DPP9: variants seen among roughly 807,000 people sequenced by gnomAD.
DPP9 encodes the protein dipeptidyl peptidase 9, also known as dipeptidyl peptidase IV-related protein-2.
DPP9 carries 50 observed loss-of-function variants against 110.7 expected under a neutral mutation model. The ratio of observed to expected loss-of-function variants is 0.45; its 90% CI spans 0.36 to 0.57. The LOEUF (loss-of-function observed/expected upper bound fraction) is 0.57, where lower values mean the gene tolerates loss of function less well. Ranked by LOEUF, DPP9 falls within the 20% of genes least tolerant of loss-of-function variation. The probability of loss-of-function intolerance (pLI) is 0.00; values close to 1 mark genes in which losing one functional copy is unlikely to be tolerated. For missense variants in DPP9, 1,022 were observed against 1,217.9 expected (o/e 0.84, Z 2.39); for synonymous variants, 561 against 514.4 (o/e 1.09, Z -1.23).
chr19:4,702,607 C>G lies in DPP9; in HGVS notation c.879G>C (p.Trp293Cys). The change falls in exon 8 of 22, where the codon TGG (tryptophan) becomes TGC (cysteine). Residue 293 changes from tryptophan (W) to cysteine (C), a missense_variant. By Grantham distance (215) the Trp-to-Cys change is radical. Around this residue, in one of 3 missense-constraint regions of DPP9, gnomAD observed 810 missense variants for 920.6 expected, o/e 0.88. Coordinates refer to ENST00000262960, the MANE Select transcript of DPP9 (RefSeq NM_139159.5). ...TGAAAAATGGAAGGGACCTACCTTC[C>G]CAGGAGGCTGTGGGGCACCACCAGT... Reference protein sequence around the residue: ...TGYWWCPTASWEGSEGLKTLR... With the variant: ...TGYWWCPTASCEGSEGLKTLR... 1.3e-6 allele frequency: 2 copies of G among 1,595,384 alleles called. No individual in the cohort carries two copies. Among genetic ancestry groups the G allele is most frequent in the South Asian group, 1.1e-5 (1 of 87,812 alleles).
rs1348463200 is a variant in DPP9 at position 4,722,509 on chromosome 19, G to A, written c.-46C>T. The A allele has an allele frequency of 1.4e-6, 1 of 703,054 alleles. No homozygotes were observed. Among genetic ancestry groups the A allele is most frequent in the Non-Finnish European group, 2.6e-6 (1 of 385,006 alleles). 43.6% of individuals were successfully genotyped at this position (703,054 alleles called of 1,614,324 possible). ...CCCAGCACAACTGACCTTCTAAAGG[G>A]TCCAGAGAGCCTCCATTCCAGCTGC... On this transcript the variant is annotated 5_prime_UTR_variant, in exon 2 of 22. Transcript: ENST00000262960.
intron 13 of DPP9, among the ~76,000 whole-genome samples, chr19:4,692,196 A>G (rs2091390943): frequency 6.6e-6 from 1 of 152,026 alleles, no homozygotes; most frequent in African/African-American, 2.4e-5. Context: ...TTTGGGGGGT[A>G]GGAGGGTTGA....
chr19:4,682,886 G>T lies in DPP9; in HGVS notation c.2332-48C>A. ...GGGGGCAGAGAGAGAGAGAGAAACA[G>T]GCGTCGGGTCCTACAGCCAGCATCA... is the stretch of plus-strand genomic sequence containing the variant. On this transcript the variant is annotated intron_variant, in intron 19 of 21. Transcript: ENST00000262960. This position sits in a 1 kb window ranked among gnomAD's most constrained non-coding sequence, Gnocchi z 7.1. The T allele has an allele frequency of 6.4e-7, 1 of 1,550,402 alleles. No individual in the cohort carries two copies. Among genetic ancestry groups the T allele is most frequent in the East Asian group, 2.4e-5 (1 of 41,240 alleles).
chr19:4,676,596 T>C lies in DPP9; in HGVS notation c.2647A>G (p.Thr883Ala), dbSNP rs1192147069. Reference sequence around the variant, plus strand: ...TATTCCTGTAGAAAGTGCAGCAACGTGACTTCATAGTGCTCGCCCGACTCG... The same window carrying C: ...TATTCCTGTAGAAAGTGCAGCAACGCGACTTCATAGTGCTCGCCCGACTCG... Reference protein sequence around the residue: ...CPESGEHYEVTLLHFLQEYL With the variant: ...CPESGEHYEVALLHFLQEYL The change falls in exon 22 of 22, where the codon ACG (threonine) becomes GCG (alanine). Residue 883 changes from threonine to alanine, a missense_variant. Physicochemically the swap from Thr to Ala is moderately conservative, Grantham distance 58 (BLOSUM62 0). Transcript: ENST00000262960. The surrounding 1 kb of genome is among the most constrained non-coding windows in gnomAD (Gnocchi z 4.0). 1 of 1,608,236 alleles carries C rather than the reference T, an allele frequency of 6.2e-7. No homozygotes were observed. The highest frequency in any genetic ancestry group is 8.5e-7 in the Non-Finnish European group (1 of 1,177,494).
chr19:4,718,311 G>A lies in DPP9; in HGVS notation c.56+1540C>T, dbSNP rs115418035. Among the ~76,000 whole-genome samples the A allele has an allele frequency of 0.011, 1,666 of 152,290 alleles. 20 individuals carry two copies. The highest frequency in any genetic ancestry group is 0.038 in the African/African-American group (1,568 of 41,564). On this transcript the variant is annotated intron_variant, in intron 3 of 21. Transcript: ENST00000262960. This position sits in a 1 kb window ranked among gnomAD's most constrained non-coding sequence, Gnocchi z 4.3. ...TTGGAGATGGGGGAAGTATTTGGACGCCTAGAAGGAACTGTAGATTCAGTG... is the reference window on the plus strand; with the variant it reads ...TTGGAGATGGGGGAAGTATTTGGACACCTAGAAGGAACTGTAGATTCAGTG...
rs760332782 is a variant in DPP9, at chr19:4,694,778, C to G, written c.1399G>C (p.Glu467Gln). The G allele has an allele frequency of 7.3e-5, 118 of 1,613,758 alleles. No homozygotes were observed. The highest frequency in any genetic ancestry group is 9.5e-5 in the Non-Finnish European group (112 of 1,179,862). Residue 467 changes from glutamate (E) to glutamine (Q), a missense_variant, in exon 13 of 22, where the codon GAG becomes CAG. Coordinates refer to ENST00000262960, the MANE Select transcript of DPP9 (RefSeq NM_139159.5). This position sits in a 1 kb window ranked among gnomAD's most constrained non-coding sequence, Gnocchi z 4.0. ...TCATTGGCGCGGAGAAAGCAGAGCT[C>G]GTCCTCTCCCTCTGATTGGGGGAAG... is the stretch of plus-strand genomic sequence containing the variant. ...YPFPQSEGEDELCFLRANECK... is the reference protein window; with the variant it reads ...YPFPQSEGEDQLCFLRANECK...
chr19:4,710,288 G>A lies in DPP9; in HGVS notation c.313+3793C>T, dbSNP rs1050942991. Among the ~76,000 whole-genome samples, 1 of 152,238 alleles carries A rather than the reference G, an allele frequency of 6.6e-6. No individual in the cohort carries two copies. The highest frequency in any genetic ancestry group is 1.5e-5 in the Non-Finnish European group (1 of 68,042). On this transcript the variant is annotated intron_variant, in intron 4 of 21. Coordinates refer to ENST00000262960, the MANE Select transcript of DPP9 (RefSeq NM_139159.5). The surrounding 1 kb of genome is among the most constrained non-coding windows in gnomAD (Gnocchi z 5.6). ...TCTCCCCTGGATCTCAGCCTGGGAC[G>A]TCGGGAGACAGGAATTCTTGCTTTC...
chr19:4,706,613 C>T (rs1208662373), intron 4 of DPP9, among the ~76,000 whole-genome samples: 1 of 151,996 alleles, frequency 6.6e-6, no homozygotes, highest in Non-Finnish European at 1.5e-5. Flanking sequence ...GTCAGGAGTT[C>T]GAGACCAGAC....
Position 4,695,595 on chromosome 19 carries a change from G to C in DPP9, c.1176-40C>G. ...GCGGGGGAAGATGAGAGGGAAGCTGGGAGCCTCAGTGGCCTGCACAGAGAA... is the reference window on the plus strand; with the variant it reads ...GCGGGGGAAGATGAGAGGGAAGCTGCGAGCCTCAGTGGCCTGCACAGAGAA... On this transcript the variant is annotated intron_variant, in intron 11 of 21. Coordinates refer to ENST00000262960, the MANE Select transcript of DPP9 (RefSeq NM_139159.5). The surrounding 1 kb of genome is among the most constrained non-coding windows in gnomAD (Gnocchi z 4.7). 1 of 1,435,604 alleles carries C rather than the reference G, an allele frequency of 7.0e-7. No individual in the cohort carries two copies. The highest frequency in any genetic ancestry group is 9.2e-7 in the Non-Finnish European group (1 of 1,090,362). The allele number at this position is 1,435,604 out of a possible 1,614,324, so 88.9% of individuals were successfully genotyped here. A position where few individuals can be genotyped will look rare whatever the true frequency, so the allele number is the denominator to read the frequency against.
intron 1 of DPP9, among the ~76,000 whole-genome samples, chr19:4,723,441 G>A (rs987496813): frequency 1.3e-4 from 20 of 152,186 alleles, no homozygotes; most frequent in African/African-American, 4.6e-4. Context: ...GGAGAAACTG[G>A]GAGGTGGCCT....
In DPP9 at chr19:4,704,148, C is replaced by A. The variant is rs778385795; in HGVS notation, c.583G>T (p.Gly195Cys). The A allele has an allele frequency of 6.2e-5, 100 of 1,613,850 alleles. No homozygotes were observed. The highest frequency in any genetic ancestry group is 8.5e-5 in the Non-Finnish European group (100 of 1,179,914). The change falls in exon 6 of 22, where the codon GGC becomes TGC. Residue 195 changes from glycine (G) to cysteine (C), a missense_variant. Around this residue, in one of 3 missense-constraint regions of DPP9, gnomAD observed 810 missense variants for 920.6 expected, o/e 0.88. Transcript: ENST00000262960. The surrounding 1 kb of genome is among the most constrained non-coding windows in gnomAD (Gnocchi z 6.0). ...GGGCTCACCATGAAGCCGTTCTTGC[C>A]GCCGTCGCGGCAGTGGAAGAGGCTG... ...SNSLFHCRDG[G>C]KNGFMVSPMK...
At position 4,695,471 on chromosome 19, in the gene DPP9, C is replaced by A; in HGVS notation, c.1260G>T (p.Glu420Asp). ...CAGAGGCTAGCCGCTGCTCCTCATT[C>A]TCTGTGCTCGGGATGAACAGGGCCG... Reference protein sequence around the residue: ...LPPALFIPSTENEEQRLASAR... With the variant: ...LPPALFIPSTDNEEQRLASAR... The change falls in exon 12 of 22, where the codon GAG (glutamate) becomes GAT (aspartate). Residue 420 changes from glutamate (E) to aspartate (D), a missense_variant. Glu to Asp is a conservative substitution (Grantham distance 45). Coordinates refer to ENST00000262960, the MANE Select transcript of DPP9 (RefSeq NM_139159.5). This position sits in a 1 kb window ranked among gnomAD's most constrained non-coding sequence, Gnocchi z 4.7. The A allele has an allele frequency of 6.3e-7, 1 of 1,583,548 alleles. No individual in the cohort carries two copies. The highest frequency in any genetic ancestry group is 2.3e-5 in the East Asian group (1 of 42,912).
chr19:4,709,276 G>C (rs1202745318), intron 4 of DPP9, among the ~76,000 whole-genome samples: 2 of 152,114 alleles, frequency 1.3e-5, no homozygotes, highest in Admixed American at 6.5e-5. Flanking sequence ...TTGTGGCAAG[G>C]AACACAGGTT....
At position 4,676,611 on chromosome 19, in the gene DPP9, C is replaced by T. The variant is rs1464692762; in HGVS notation, c.2632G>A (p.Glu878Lys). ...TGCAGCAACGTGACTTCATAGTGCT[C>T]GCCCGACTCGGGGCAGCGAATACTG... Reference protein sequence around the residue: ...RHSIRCPESGEHYEVTLLHFL... With the variant: ...RHSIRCPESGKHYEVTLLHFL... Residue 878 changes from glutamate to lysine, a missense_variant, in exon 22 of 22, where the codon GAG (glutamate) becomes AAG (lysine). Glu to Lys is a moderately conservative substitution (Grantham distance 56, BLOSUM62 1). Around this residue, in one of 3 missense-constraint regions of DPP9, gnomAD observed 209 missense variants for 280.4 expected, o/e 0.75. Coordinates refer to ENST00000262960, the MANE Select transcript of DPP9 (RefSeq NM_139159.5). This position sits in a 1 kb window ranked among gnomAD's most constrained non-coding sequence, Gnocchi z 4.0. The T allele has an allele frequency of 1.2e-6, 2 of 1,609,038 alleles. No individual in the cohort carries two copies. The highest frequency in any genetic ancestry group is 1.7e-6 in the Non-Finnish European group (2 of 1,177,828).
rs945091873 is a variant in DPP9, at chr19:4,700,854, T to TG, written c.1013-578dup. On this transcript the variant is annotated intron_variant, in intron 9 of 21. Coordinates refer to ENST00000262960, the MANE Select transcript of DPP9 (RefSeq NM_139159.5). The surrounding 1 kb of genome is among the most constrained non-coding windows in gnomAD (Gnocchi z 4.3). ...GCAGAGCGGAGAATGCTTATTTTTT[T>TG]GGCTAGACCTACGAGAAACTCAACT... is the stretch of plus-strand genomic sequence containing the variant. Among the ~76,000 whole-genome samples the TG allele has an allele frequency of 1.3e-5, 2 of 152,238 alleles. No homozygotes were observed. Among genetic ancestry groups the TG allele is most frequent in the African/African-American group, 4.8e-5 (2 of 41,476 alleles).
At chr19:4,714,024 G>A in intron 4 of DPP9, 57 bp downstream of exon 4, 1 of 1,539,432 alleles carries the variant, frequency 6.5e-7, no homozygotes, top group South Asian at 1.3e-5. Flanking sequence ...GAGAGGACCA[G>A]GGAACTGTGG....
In DPP9 at chr19:4,703,906, C is replaced by T. The variant is rs746702415; in HGVS notation, c.749G>A (p.Arg250Gln). 11 of 1,606,900 alleles carry T rather than the reference C, an allele frequency of 6.8e-6. No individual in the cohort carries two copies. The highest frequency in any genetic ancestry group is 1.6e-4 in the Middle Eastern group (1 of 6,068). Reference sequence around the variant, plus strand: ...CCCACCTTGGTGGCAGAAGGTCAGCCGCCGCTCCTCGCCTGTCTCGATGTT... The same window carrying T: ...CCCACCTTGGTGGCAGAAGGTCAGCTGCCGCTCCTCGCCTGTCTCGATGTT... ...VANIETGEER[R>Q]LTFCHQGLSN... Residue 250 changes from arginine (R) to glutamine (Q), a missense_variant, in exon 7 of 22, where the codon CGG (arginine) becomes CAG (glutamine). Around this residue, in one of 3 missense-constraint regions of DPP9, gnomAD observed 810 missense variants for 920.6 expected, o/e 0.88. Coordinates refer to ENST00000262960, the MANE Select transcript of DPP9 (RefSeq NM_139159.5).
At chr19:4,697,691 GC>G in intron 10 of DPP9, 40 bp from the exon 11 acceptor site, 1 of 1,562,860 alleles carries the variant, frequency 6.4e-7, no homozygotes, top group South Asian at 1.1e-5. Context: ...GCCCTGGCCT[GC>G]CCGGCGCTGC....
chr19:4,680,249 A>T (rs2089644177), intron 20 of DPP9, among the ~76,000 whole-genome samples: 1 of 151,130 alleles, frequency 6.6e-6, no homozygotes, highest in African/African-American at 2.4e-5. Flanking sequence ...AAAAAAAAAA[A>T]AAAAAAGATC....
Sources: gnomAD v4.1 joint callset for allele counts (sites outside exome capture counted in the v4.1 genomes callset) on GRCh38, gnomAD v4.1.1 for gene constraint, gnomAD v4.1.1 regional missense constraint, Gnocchi (gnomAD v3.1) non-coding constraint, MANE v1.5 for transcripts, NCBI Gene and HGNC (gene_info 2026-07-23, HGNC 2026-07-21) for gene names.